The following TUSC3 variants were observed in gnomAD, a reference collection of about 807,000 sequenced individuals.
The protein encoded by TUSC3 is dolichyl-diphosphooligosaccharide--protein glycosyltransferase subunit TUSC3.
Under a neutral mutation model 44.8 loss-of-function variants are expected in TUSC3, and 45 were observed. The ratio of observed to expected loss-of-function variants is 1.00; its 90% CI spans 0.79 to 1.29. The LOEUF is 1.29. Ranked by LOEUF, TUSC3 falls within the 50% of genes most tolerant of loss-of-function variation. The pLI, the probability that TUSC3 is intolerant of heterozygous loss-of-function variation, is 0.00. For missense variants in TUSC3, 519 were observed against 437.9 expected (o/e 1.19, Z -1.65); for synonymous variants, 212 against 152.9 (o/e 1.39, Z -2.85).
At chr8:15,791,639 C>G in the TUSC3 span, among the ~76,000 whole-genome samples, 1 of 152,202 alleles carries the variant, frequency 6.6e-6, no homozygotes, top group East Asian at 1.9e-4. Context: ...TGCCAATGCT[C>G]AAATACAAAA....
intron 1 of TUSC3, among the ~76,000 whole-genome samples, chr8:15,474,458 C>T (rs1172196209): frequency 6.6e-6 from 1 of 152,052 alleles, no homozygotes; most frequent in African/African-American, 2.4e-5. Flanking sequence ...ATTTATGTTC[C>T]TCTGCTGCAG....
chr8:15,663,145 G>C (rs1257255761), intron 5 of TUSC3, among the ~76,000 whole-genome samples: 1 of 151,454 alleles, frequency 6.6e-6, no homozygotes, highest in Non-Finnish European at 1.5e-5. Context: ...TTTCACAATA[G>C]GAAGGGAAAA....
chr8:15,749,195 G>C (rs1811582339), intron 9 of TUSC3, among the ~76,000 whole-genome samples: 1 of 151,994 alleles, frequency 6.6e-6, no homozygotes, highest in East Asian at 1.9e-4. Context: ...TAAAAGCTCA[G>C]TATTTCCTTT....
At chr8:15,508,163 C>A (rs1563269605) in intron 2 of TUSC3, among the ~76,000 whole-genome samples, 1 of 152,096 alleles carries the variant, frequency 6.6e-6, no homozygotes, top group Non-Finnish European at 1.5e-5. Flanking sequence ...CTGCATGAAT[C>A]CGGGAGGCAG....
At chr8:15,788,672 G>A in the TUSC3 span, among the ~76,000 whole-genome samples, 4 of 152,110 alleles carry the variant, frequency 2.6e-5, no homozygotes, top group South Asian at 4.1e-4. Flanking sequence ...GTACTATCAG[G>A]TGAAAGGTTA....
At chr8:15,602,177 G>A (rs1804315362) in intron 1 of TUSC3, among the ~76,000 whole-genome samples, 1 of 151,602 alleles carries the variant, frequency 6.6e-6, no homozygotes, top group Non-Finnish European at 1.5e-5. Flanking sequence ...AAAGTCTGAA[G>A]TCCAAAATGC....
At chr8:15,643,817 A>G (rs1285982222) in intron 2 of TUSC3, among the ~76,000 whole-genome samples, 1 of 152,164 alleles carries the variant, frequency 6.6e-6, no homozygotes, top group East Asian at 1.9e-4. Flanking sequence ...GTTGTTTATC[A>G]GTTGTTTTTT....
intron 6 of TUSC3, among the ~76,000 whole-genome samples, chr8:15,703,943 C>T (rs1809508036): frequency 1.3e-5 from 2 of 152,120 alleles, no homozygotes; most frequent in Admixed American, 6.6e-5. Flanking sequence ...CTTAAGCAGT[C>T]TGGCTTGGCG....
At chr8:15,809,734 G>T in the TUSC3 span, among the ~76,000 whole-genome samples, 2 of 151,838 alleles carry the variant, frequency 1.3e-5, no homozygotes, top group South Asian at 4.2e-4. Context: ...GTGACCAAGG[G>T]TAACCAAAAC....
At chr8:15,685,058 A>G (rs1808573587) in intron 6 of TUSC3, among the ~76,000 whole-genome samples, 2 of 152,076 alleles carry the variant, frequency 1.3e-5, no homozygotes, top group Non-Finnish European at 2.9e-5. Context: ...AGCATGGCAC[A>G]CCTCGGGGCG....
intron 1 of TUSC3, among the ~76,000 whole-genome samples, chr8:15,593,743 C>T (rs564480299): frequency 5.3e-5 from 8 of 152,130 alleles, no homozygotes; most frequent in Non-Finnish European, 1.0e-4. Context: ...TTCAGTTTTT[C>T]CCTTTCTACA....
At chr8:15,443,582 G>A (rs761667220) in intron 1 of TUSC3, among the ~76,000 whole-genome samples, 10 of 152,018 alleles carry the variant, frequency 6.6e-5, no homozygotes, top group Non-Finnish European at 1.3e-4. Context: ...ATTCCTTCCT[G>A]GGTGTAGGCT....
Position 15,759,271 on chromosome 8 carries a change from T to C in TUSC3, c.*46+1416T>C, listed in dbSNP as rs1164640250. ...GCCCCTTACCCACCCACATAAGTGA[T>C]GTGAGACAGGTGACATTATGTAACC... On this transcript the variant is annotated intron_variant, in intron 10 of 10. Transcript: ENST00000503731. Among the ~76,000 whole-genome samples, 4 of 152,044 alleles carry C rather than the reference T, an allele frequency of 2.6e-5. No homozygotes were observed. The South Asian group carries it at 8.3e-4, about 32-fold the overall frequency.
chr8:15,609,028 A>T (rs1804651082), intron 1 of TUSC3, among the ~76,000 whole-genome samples: 3 of 152,172 alleles, frequency 2.0e-5, no homozygotes, highest in Non-Finnish European at 1.5e-5. Flanking sequence ...AAGTACATTT[A>T]AAACTTTGCT....
At chr8:15,711,657 G>A (rs904344433) in intron 6 of TUSC3, among the ~76,000 whole-genome samples, 18 of 151,684 alleles carry the variant, frequency 1.2e-4, no homozygotes, top group African/African-American at 4.4e-4. Context: ...GGTTTGCTAA[G>A]CAAATTAAGG....
chr8:15,777,679 A>C, the TUSC3 span, among the ~76,000 whole-genome samples: 1 of 152,188 alleles, frequency 6.6e-6, no homozygotes, highest in Non-Finnish European at 1.5e-5. Context: ...ACAAGTATAC[A>C]CTTTATAAAT....
chr8:15,524,972 T>C lies in TUSC3; in HGVS notation n.189+41489T>C, dbSNP rs556421827. On this transcript the variant is annotated intron_variant and non_coding_transcript_variant, in intron 2 of 5. Transcript: ENST00000503191. ...GGGGGCCTCTGGCCTCTGCTCATGCTTGCCCAGACGTTAGAATAATTTTAG... is the reference window on the plus strand; with the variant it reads ...GGGGGCCTCTGGCCTCTGCTCATGCCTGCCCAGACGTTAGAATAATTTTAG... 2.0e-5 allele frequency among the ~76,000 whole-genome samples: 3 copies of C among 152,366 alleles called. No individual in the cohort carries two copies. The South Asian group carries it at 6.2e-4, about 32-fold the overall frequency.
chr8:15,590,550 T>C lies in TUSC3; in HGVS notation c.139-32530T>C, dbSNP rs78657189. ...GAATTTTATTTACTATTTTTAGAGGTTCTAGAATAGAAGGAATTTCCCTGA... is the reference window on the plus strand; with the variant it reads ...GAATTTTATTTACTATTTTTAGAGGCTCTAGAATAGAAGGAATTTCCCTGA... On this transcript the variant is annotated intron_variant, in intron 1 of 10. Coordinates refer to ENST00000503731, the MANE Select transcript of TUSC3 (RefSeq NM_006765.4). Among the ~76,000 whole-genome samples the C allele has an allele frequency of 9.6e-3, 1,460 of 152,202 alleles. 27 individuals carry two copies. The highest frequency in any genetic ancestry group is 0.033 in the African/African-American group (1,382 of 41,544).
intron 1 of TUSC3, among the ~76,000 whole-genome samples, chr8:15,605,263 C>T (rs1398255134): frequency 6.6e-6 from 1 of 151,840 alleles, no homozygotes; most frequent in Non-Finnish European, 1.5e-5. Flanking sequence ...CATATCTTTT[C>T]CTAGAGGAAT....
Sources: allele counts gnomAD v4.1 joint callset (sites outside exome capture counted in the v4.1 genomes callset), GRCh38; gene constraint gnomAD v4.1.1; transcripts MANE v1.5; gene names NCBI Gene and HGNC (gene_info 2026-07-23, HGNC 2026-07-21).